MYRIP: variants seen among roughly 807,000 people sequenced by gnomAD.
MYRIP encodes myosin VIIA and Rab interacting protein.
Under a neutral mutation model 98.0 loss-of-function variants are expected in MYRIP, and 49 were observed. The observed-to-expected ratio is 0.50, with a 90% CI of 0.40 to 0.63. MYRIP has a LOEUF of 0.63. MYRIP is among the 30% of genes least tolerant of loss of function. The pLI, the probability that MYRIP is intolerant of heterozygous loss-of-function variation, is 0.00. For missense variants in MYRIP, 1,004 were observed against 1,058.2 expected (o/e 0.95, Z 0.71); for synonymous variants, 404 against 409.5 (o/e 0.99, Z 0.16).
chr3:40,196,301 T>G (rs1951392930), intron 10 of MYRIP, among the ~76,000 whole-genome samples: 1 of 152,148 alleles, frequency 6.6e-6, no homozygotes, highest in Non-Finnish European at 1.5e-5. Flanking sequence ...TTCATACATG[T>G]TTTTCTATAT....
At chr3:40,232,048 C>T (rs374681328) in intron 11 of MYRIP, among the ~76,000 whole-genome samples, 3 of 152,302 alleles carry the variant, frequency 2.0e-5, no homozygotes, top group African/African-American at 7.2e-5. Flanking sequence ...CACATTTTTC[C>T]TAAGGTGAAG....
chr3:40,237,101 G>A (rs1952846303), intron 12 of MYRIP, among the ~76,000 whole-genome samples: 1 of 152,180 alleles, frequency 6.6e-6, no homozygotes, highest in Non-Finnish European at 1.5e-5. Flanking sequence ...AGGATTGCTT[G>A]AGGCCAGGAG....
At chr3:39,916,110 CT>C (rs1944152621) in intron 2 of MYRIP, among the ~76,000 whole-genome samples, 1 of 152,060 alleles carries the variant, frequency 6.6e-6, no homozygotes, top group Admixed American at 6.5e-5. Flanking sequence ...AAAAATATAT[CT>C]TTGTTTTTCA....
chr3:40,079,980 C>T (rs1948439011), intron 3 of MYRIP, among the ~76,000 whole-genome samples: 1 of 152,050 alleles, frequency 6.6e-6, no homozygotes, highest in South Asian at 2.1e-4. Context: ...TTTTCTTTCT[C>T]TTGTTTTATT....
chr3:40,099,023 GT>G (rs1948888523), intron 3 of MYRIP, among the ~76,000 whole-genome samples: 2 of 151,982 alleles, frequency 1.3e-5, no homozygotes, highest in Admixed American at 6.6e-5. Context: ...AAAGTATCTG[GT>G]TTTGGATAGA....
At chr3:39,927,452 G>A (rs1944442524) in intron 2 of MYRIP, among the ~76,000 whole-genome samples, 1 of 151,800 alleles carries the variant, frequency 6.6e-6, no homozygotes, top group African/African-American at 2.4e-5. Flanking sequence ...GTTGATGTTG[G>A]ACAAATTCCT....
chr3:40,176,952 T>G (rs556621446), intron 8 of MYRIP, among the ~76,000 whole-genome samples: 57 of 146,584 alleles, frequency 3.9e-4, no homozygotes, highest in Non-Finnish European at 7.0e-4. Flanking sequence ...TAGCTGGGCA[T>G]GGTGTTGCAT....
At chr3:39,863,141 A>G (rs987475404) in intron 1 of MYRIP, among the ~76,000 whole-genome samples, 1 of 152,162 alleles carries the variant, frequency 6.6e-6, no homozygotes, top group Non-Finnish European at 1.5e-5. Context: ...CTACAATCAT[A>G]GGGACACAGC....
At chr3:39,995,314 A>G (rs567648220) in intron 2 of MYRIP, among the ~76,000 whole-genome samples, 28 of 152,350 alleles carry the variant, frequency 1.8e-4, no homozygotes, top group Admixed American at 9.1e-4. Flanking sequence ...ATGGCTAACT[A>G]GAATAACAAA....
chr3:40,150,750 G>A (rs1257891363), intron 3 of MYRIP, among the ~76,000 whole-genome samples: 1 of 152,140 alleles, frequency 6.6e-6, no homozygotes, highest in Non-Finnish European at 1.5e-5. Flanking sequence ...TATTGGCTGG[G>A]GCAAGAGGGA....
At chr3:39,876,410 T>G (rs1259212722) in intron 1 of MYRIP, among the ~76,000 whole-genome samples, 1 of 152,226 alleles carries the variant, frequency 6.6e-6, no homozygotes, top group African/African-American at 2.4e-5. Context: ...ATTTTGCTCA[T>G]TCGTTCATGC....
chr3:40,071,209 T>C (rs1166016415), intron 3 of MYRIP: 2 of 985,108 alleles, frequency 2.0e-6, no homozygotes, highest in Non-Finnish European at 2.4e-6. Flanking sequence ...CAGAAGTCCC[T>C]CAGGCCCATC....
intron 11 of MYRIP, among the ~76,000 whole-genome samples, chr3:40,221,524 C>T (rs376262958): frequency 5.9e-5 from 9 of 152,044 alleles, no homozygotes; most frequent in African/African-American, 1.2e-4. Context: ...CCAGCTACTC[C>T]GGAGGCTAAG....
intron 11 of MYRIP, among the ~76,000 whole-genome samples, chr3:40,224,414 C>CA (rs35749015): frequency 1.7e-3 from 234 of 134,520 alleles, no homozygotes; most frequent in South Asian, 2.8e-3. Flanking sequence ...TATAAAAAAG[C>CA]AAAAAAAAAA....
intron 7 of MYRIP, 140 bp downstream of exon 7, chr3:40,167,379 C>T (rs1950522042): frequency 1.3e-6 from 1 of 773,172 alleles, no homozygotes; most frequent in Non-Finnish European, 2.1e-6. Context: ...CTTTTGTGCC[C>T]TGGGGACCCA....
At chr3:39,890,828 A>G (rs1260790870) in intron 1 of MYRIP, among the ~76,000 whole-genome samples, 2 of 152,062 alleles carry the variant, frequency 1.3e-5, no homozygotes, top group South Asian at 2.1e-4. Context: ...TGGGAAACAA[A>G]CAAACTGGGT....
At chr3:39,892,607 AAGTT>A (rs1323979287) in intron 1 of MYRIP, among the ~76,000 whole-genome samples, 3 of 152,170 alleles carry the variant, frequency 2.0e-5, no homozygotes, top group Admixed American at 6.5e-5. Flanking sequence ...TTTTTCTATT[AAGTT>A]AAAGAAGTGC....
intron 3 of MYRIP, among the ~76,000 whole-genome samples, chr3:40,088,199 G>T (rs1417514654): frequency 6.6e-6 from 1 of 152,020 alleles, no homozygotes; most frequent in East Asian, 1.9e-4. Context: ...AGGGGAGGGG[G>T]GACAGATGTT....
chr3:40,209,703 TC>T (rs1166850071), intron 10 of MYRIP, 150 bp from the exon 11 acceptor site: 1 of 967,396 alleles, frequency 1.0e-6, no homozygotes, highest in East Asian at 2.5e-5. Context: ...AAACTAAAAG[TC>T]CATCTGAAGA....
Sources: gnomAD v4.1 joint callset for allele counts (sites outside exome capture counted in the v4.1 genomes callset) on GRCh38, gnomAD v4.1.1 for gene constraint, MANE v1.5 for transcripts, NCBI Gene and HGNC (gene_info 2026-07-23, HGNC 2026-07-21) for gene names.